Variants in ANO6 observed in about 807,000 individuals in gnomAD.
The protein encoded by ANO6 is anoctamin 6, also known as anoctamin-6.
A neutral mutation model predicts 117.5 loss-of-function variants in ANO6; 106 were observed. That is an observed-to-expected ratio of 0.90 (90% confidence interval 0.77 to 1.06). The LOEUF (loss-of-function observed/expected upper bound fraction) is 1.06. ANO6 is among the 50% of genes least tolerant of loss of function. The pLI is 0.00. For missense variants in ANO6, 955 were observed against 1,121.1 expected (o/e 0.85, Z 2.12); for synonymous variants, 367 against 385.1 (o/e 0.95, Z 0.55).
intron 8 of ANO6, among the ~76,000 whole-genome samples, chr12:45,365,017 GAC>G (rs56961552): frequency 0.019 from 2,953 of 152,226 alleles, 85 homozygotes; most frequent in African/African-American, 0.067. Context: ...TGTCATGTGT[GAC>G]CACTTAAGTC....
chr12:45,390,287 A>G (rs1565742661), intron 11 of ANO6, 134 bp from the exon 12 acceptor site: 5 of 761,310 alleles, frequency 6.6e-6, no homozygotes, highest in Non-Finnish European at 1.1e-5. Flanking sequence ...AAAAAGTGCA[A>G]TTATGAGTAA....
chr12:45,378,317 C>T (rs1942083810), intron 10 of ANO6, among the ~76,000 whole-genome samples: 1 of 152,010 alleles, frequency 6.6e-6, no homozygotes, highest in African/African-American at 2.4e-5. Context: ...AAACAACAAA[C>T]TTTATTTCTC....
chr12:45,430,092 T>C lies in ANO6; in HGVS notation c.*781T>C, dbSNP rs1565778405. ...TGACAAAAGCAGGGAAAGTTACAGA[T>C]TCAAACAGCATTTTAACTCATGTTG... On this transcript the variant is annotated 3_prime_UTR_variant, in exon 20 of 20. Coordinates refer to ENST00000320560, the MANE Select transcript of ANO6 (RefSeq NM_001025356.3). The C allele has an allele frequency of 2.0e-6, 2 of 985,438 alleles. No homozygotes were observed. The highest frequency in any genetic ancestry group is 2.4e-6 in the Non-Finnish European group (2 of 829,926). 61.0% of individuals were successfully genotyped at this position (985,438 alleles called of 1,614,324 possible).
chr12:45,425,547 A>G lies in ANO6; in HGVS notation c.2526+2485A>G, dbSNP rs141688334. On this transcript the variant is annotated intron_variant, in intron 19 of 19. Coordinates refer to ENST00000320560, the MANE Select transcript of ANO6 (RefSeq NM_001025356.3). ...GGCGAGAATGGGAGTAAGCTTTTCA[A>G]CAGTAACAACGGAAGCCAGAAGAGA... Among the ~76,000 whole-genome samples the G allele has an allele frequency of 3.3e-5, 5 of 152,368 alleles. No individual in the cohort carries two copies. The East Asian group carries it at 7.7e-4, about 23-fold the overall frequency.
intron 1 of ANO6, among the ~76,000 whole-genome samples, chr12:45,236,011 A>G (rs1183301845): frequency 1.3e-5 from 2 of 152,258 alleles, no homozygotes; most frequent in African/African-American, 4.8e-5. Flanking sequence ...AAGAGGCTAC[A>G]TATGAAGGGG....
intron 10 of ANO6, among the ~76,000 whole-genome samples, chr12:45,386,243 C>T (rs1328063495): frequency 1.3e-5 from 2 of 152,186 alleles, no homozygotes; most frequent in Non-Finnish European, 2.9e-5. Flanking sequence ...CTTATTCTCT[C>T]ATGGCCCCAA....
chr12:45,302,205 A>T (rs1304630084), intron 2 of ANO6, 112 bp downstream of exon 2: 2 of 933,236 alleles, frequency 2.1e-6, no homozygotes, highest in Non-Finnish European at 3.5e-6. Context: ...TAGATCCTAC[A>T]TAGATCTTAT....
At chr12:45,216,508 C>A in intron 1 of ANO6, 117 bp downstream of exon 1, 1 of 1,198,848 alleles carries the variant, frequency 8.3e-7, no homozygotes, top group Non-Finnish European at 1.2e-6. Flanking sequence ...GACGCTCGGC[C>A]GCTCCGGGCA....
Position 45,421,264 on chromosome 12 carries a change from C to A in ANO6, c.2411C>A (p.Thr804Asn), listed in dbSNP as rs756730775. Reference protein sequence around the residue: ...GNPYSDLGNHTTCRYRDFRYP... With the variant: ...GNPYSDLGNHNTCRYRDFRYP... ...CCGTACTCTGACCTGGGTAACCATA[C>A]CACATGCAGGCAAGTTCTGCTTTAC... is the stretch of plus-strand genomic sequence containing the variant. The change falls in exon 18 of 20, where the codon ACC becomes AAC. Residue 804 changes from threonine to asparagine, a missense_variant. Transcript: ENST00000320560. 2.5e-6 allele frequency: 4 copies of A among 1,614,016 alleles called. No homozygotes were observed. In the South Asian group the frequency reaches 4.4e-5, roughly 18 times the overall value.
intron 1 of ANO6, among the ~76,000 whole-genome samples, chr12:45,243,017 A>G (rs1947769833): frequency 2.0e-5 from 3 of 152,218 alleles, no homozygotes; most frequent in South Asian, 4.1e-4. Context: ...TATTTGGATA[A>G]TAAGATAGTA....
intron 17 of ANO6, among the ~76,000 whole-genome samples, chr12:45,417,786 T>C (rs989422254): frequency 1.3e-5 from 2 of 152,142 alleles, no homozygotes; most frequent in African/African-American, 2.4e-5. Flanking sequence ...ACATCTTCCC[T>C]GAGTCCCCAG....
intron 12 of ANO6, among the ~76,000 whole-genome samples, chr12:45,395,974 G>A (rs961580029): frequency 1.3e-5 from 2 of 152,276 alleles, no homozygotes; most frequent in Non-Finnish European, 2.9e-5. Flanking sequence ...TCAACATAGT[G>A]TTGGAAGTTC....
intron 1 of ANO6, among the ~76,000 whole-genome samples, chr12:45,260,995 T>C (rs1938012586): frequency 6.6e-6 from 1 of 152,026 alleles, no homozygotes; most frequent in Non-Finnish European, 1.5e-5. Flanking sequence ...TTTTGTTTTT[T>C]TGGTAGAGAT....
At chr12:45,257,914 T>C (rs1937893607) in intron 1 of ANO6, among the ~76,000 whole-genome samples, 1 of 152,214 alleles carries the variant, frequency 6.6e-6, no homozygotes, top group Admixed American at 6.5e-5. Flanking sequence ...GAAAACAATA[T>C]AGTAATGGGT....
intron 1 of ANO6, among the ~76,000 whole-genome samples, chr12:45,269,265 C>T (rs1011897132): frequency 1.1e-4 from 17 of 152,178 alleles, no homozygotes; most frequent in Admixed American, 1.0e-3. Context: ...TTTCCAGACC[C>T]CTGGAGAGTT....
chr12:45,222,292 C>A (rs1322650935), intron 1 of ANO6, among the ~76,000 whole-genome samples: 1 of 152,154 alleles, frequency 6.6e-6, no homozygotes, highest in Non-Finnish European at 1.5e-5. Flanking sequence ...TCCTAAGTAG[C>A]TGGGATTACA....
chr12:45,345,209 A>G (rs926031033), intron 3 of ANO6, among the ~76,000 whole-genome samples: 2 of 152,232 alleles, frequency 1.3e-5, no homozygotes, highest in African/African-American at 4.8e-5. Flanking sequence ...AAAACAAAGC[A>G]ATATCCTTTT....
chr12:45,437,424 T>C (rs937089868), intron 19 of ANO6, among the ~76,000 whole-genome samples: 1 of 148,312 alleles, frequency 6.7e-6, no homozygotes, highest in Non-Finnish European at 1.5e-5. Flanking sequence ...TACAACATTT[T>C]ATGTTTTACA....
chr12:45,371,823 C>T (rs1371943250), intron 9 of ANO6, among the ~76,000 whole-genome samples: 28 of 152,118 alleles, frequency 1.8e-4, no homozygotes, highest in Admixed American at 7.9e-4. Flanking sequence ...TCCAAAGGAA[C>T]GCAGTTCCTC....
Sources: allele counts gnomAD v4.1 joint callset (sites outside exome capture counted in the v4.1 genomes callset), GRCh38; gene constraint gnomAD v4.1.1; transcripts MANE v1.5; gene names NCBI Gene and HGNC (gene_info 2026-07-23, HGNC 2026-07-21).